Variants in PARVA observed in about 807,000 individuals in gnomAD.
PARVA encodes the protein alpha-parvin.
A neutral mutation model predicts 52.6 loss-of-function variants in PARVA; 25 were observed. That is an observed-to-expected ratio of 0.48 (90% CI 0.35 to 0.66). The LOEUF is 0.66. PARVA is among the 30% of genes least tolerant of loss of function. The pLI is 0.01. For synonymous variants in PARVA, 185 were observed against 179.1 expected (o/e 1.03, Z -0.26); for missense variants, 373 against 450.9 (o/e 0.83, Z 1.56).
chr11:12,400,824 T>C (rs148653521), intron 1 of PARVA, among the ~76,000 whole-genome samples: 2 of 152,328 alleles, frequency 1.3e-5, no homozygotes, highest in South Asian at 2.1e-4. Context: ...CTGGGTTATT[T>C]TGGGAACTTC....
At chr11:12,506,690 T>C (rs576703870) in intron 6 of PARVA, among the ~76,000 whole-genome samples, 1 of 152,332 alleles carries the variant, frequency 6.6e-6, no homozygotes, top group East Asian at 1.9e-4. Context: ...TTCCATAAAA[T>C]GGCATTAATG....
intron 3 of PARVA, among the ~76,000 whole-genome samples, chr11:12,475,028 T>G (rs369607325): frequency 6.6e-6 from 1 of 151,902 alleles, no homozygotes; most frequent in African/African-American, 2.4e-5. Context: ...GGTTCCCCTG[T>G]GCAAGACCTC....
chr11:12,377,936 C>T (rs1475747792), intron 1 of PARVA, among the ~76,000 whole-genome samples, 153 bp downstream of exon 1: 3 of 148,382 alleles, frequency 2.0e-5, no homozygotes, highest in Non-Finnish European at 3.0e-5. Context: ...CCGGGTACGT[C>T]GGGCAGGAGC....
intron 1 of PARVA, among the ~76,000 whole-genome samples, chr11:12,416,570 C>T (rs1940069893): frequency 6.6e-6 from 1 of 152,118 alleles, no homozygotes; most frequent in African/African-American, 2.4e-5. Context: ...TCGCCGACTC[C>T]AGCGCCATCT....
chr11:12,487,583 C>T (rs1364536240), intron 4 of PARVA, among the ~76,000 whole-genome samples: 1 of 152,160 alleles, frequency 6.6e-6, no homozygotes, highest in East Asian at 1.9e-4. Flanking sequence ...ATGAACATTG[C>T]CATCATACCA....
At chr11:12,484,857 G>C (rs1346321808) in intron 4 of PARVA, among the ~76,000 whole-genome samples, 1 of 146,674 alleles carries the variant, frequency 6.8e-6, no homozygotes, top group African/African-American at 2.6e-5. Flanking sequence ...CTATTGCCTA[G>C]GCTGGAGTGC....
intron 1 of PARVA, among the ~76,000 whole-genome samples, chr11:12,463,049 G>A (rs1940805420): frequency 6.8e-6 from 1 of 148,032 alleles, no homozygotes; most frequent in Non-Finnish European, 1.5e-5. Flanking sequence ...ATATTTTTAG[G>A]ATAGTTTTAG....
At chr11:12,505,886 T>C (rs1564865250) in intron 6 of PARVA, among the ~76,000 whole-genome samples, 1 of 152,204 alleles carries the variant, frequency 6.6e-6, no homozygotes, top group Non-Finnish European at 1.5e-5. Context: ...ATCGTCCCCA[T>C]AGGTGGGAGC....
Position 12,528,297 on chromosome 11 carries a change from C to G in PARVA, c.*372C>G, listed in dbSNP as rs1451129304. 3.0e-5 allele frequency: 8 copies of G among 269,602 alleles called. No homozygotes were observed. The East Asian group carries it at 5.9e-4, about 20-fold the overall frequency. The allele number at this position is 269,602 out of a possible 1,614,324, so 16.7% of individuals were successfully genotyped here. On this transcript the variant is annotated 3_prime_UTR_variant, in exon 13 of 13. Coordinates refer to ENST00000334956, the MANE Select transcript of PARVA (RefSeq NM_018222.5). ...TGCTAACTGTGTGTCAGGCCCCACA[C>G]TAAGTGCTCTGCTCTGATATACTCA...
intron 12 of PARVA, among the ~76,000 whole-genome samples, chr11:12,523,333 T>C (rs1006733132): frequency 3.3e-5 from 5 of 152,076 alleles, no homozygotes; most frequent in Non-Finnish European, 4.4e-5. Flanking sequence ...CCTAACTGAT[T>C]CCAGCCCCCA....
At chr11:12,509,249 T>C (rs1345700424) in intron 7 of PARVA, among the ~76,000 whole-genome samples, 2 of 152,082 alleles carry the variant, frequency 1.3e-5, no homozygotes, top group Non-Finnish European at 2.9e-5. Flanking sequence ...GGCAGTTAGC[T>C]TTCAGCATTC....
intron 1 of PARVA, among the ~76,000 whole-genome samples, chr11:12,383,668 T>C (rs550287326): frequency 6.6e-6 from 1 of 152,288 alleles, no homozygotes; most frequent in South Asian, 2.1e-4. Context: ...CCAAAGTACA[T>C]CTTTTTCTGT....
In PARVA at chr11:12,534,101, G is replaced by C. The variant is rs1589997068; in HGVS notation, c.*6176G>C. ...AAGTATTGCTTGAACCCAGGAGGCA[G>C]AGGTTGCAATGAGCTGAGATCGCAT... is the stretch of plus-strand genomic sequence containing the variant. On this transcript the variant is annotated 3_prime_UTR_variant, in exon 13 of 13. Coordinates refer to ENST00000334956, the MANE Select transcript of PARVA (RefSeq NM_018222.5). 6.6e-6 allele frequency among the ~76,000 whole-genome samples: 1 copy of C among 152,240 alleles called. No homozygotes were observed. The highest frequency in any genetic ancestry group is 1.9e-4 in the East Asian group (1 of 5,182).
intron 1 of PARVA, among the ~76,000 whole-genome samples, chr11:12,409,831 C>T (rs144844359): frequency 8.8e-4 from 134 of 152,314 alleles, no homozygotes; most frequent in African/African-American, 2.9e-3. Context: ...GAAGCAAGTA[C>T]GAAGTTTTTG....
At chr11:12,519,912 CTCT>C (rs1362465901) in intron 12 of PARVA, among the ~76,000 whole-genome samples, 3 of 152,196 alleles carry the variant, frequency 2.0e-5, no homozygotes, top group Admixed American at 6.5e-5. Context: ...TAGGAATGGA[CTCT>C]TCTTGTTCTG....
chr11:12,399,255 G>A (rs983757593), intron 1 of PARVA, among the ~76,000 whole-genome samples: 1 of 152,108 alleles, frequency 6.6e-6, no homozygotes, highest in South Asian at 2.1e-4. Flanking sequence ...TAGCTATAAA[G>A]CATTATAAAA....
intron 5 of PARVA, among the ~76,000 whole-genome samples, chr11:12,496,915 G>A (rs1941306680): frequency 6.6e-6 from 1 of 152,172 alleles, no homozygotes; most frequent in Admixed American, 6.5e-5. Context: ...AGCCTTTTGA[G>A]AAAGCTGTTG....
At chr11:12,441,842 G>T (rs189711707) in intron 1 of PARVA, among the ~76,000 whole-genome samples, 1 of 152,148 alleles carries the variant, frequency 6.6e-6, no homozygotes, top group Non-Finnish European at 1.5e-5. Flanking sequence ...TTTCCACAAC[G>T]CTGCAGGAAA....
intron 1 of PARVA, among the ~76,000 whole-genome samples, chr11:12,392,024 C>A (rs555243006): frequency 1.3e-5 from 2 of 152,114 alleles, no homozygotes; most frequent in African/African-American, 4.8e-5. Context: ...CTCCCCTCCC[C>A]ATTTCCTAAC....
Sources: allele counts gnomAD v4.1 joint callset (sites outside exome capture counted in the v4.1 genomes callset), GRCh38; gene constraint gnomAD v4.1.1; transcripts MANE v1.5; gene names NCBI Gene and HGNC (gene_info 2026-07-23, HGNC 2026-07-21).